The following TSPAN7 variants were observed in gnomAD, a reference collection of about 807,000 sequenced individuals.
The protein encoded by TSPAN7 is tetraspanin 7.
In TSPAN7, 1 loss-of-function variant was observed where a neutral mutation model predicts 17.6. The ratio of observed to expected loss-of-function variants is 0.06; its 90% CI spans 0.02 to 0.27. The LOEUF is 0.27. Among genes scored for constraint, TSPAN7 ranks in the 10% least tolerant of loss-of-function variants. TSPAN7 has a pLI of 1.00. For synonymous variants in TSPAN7, 78 were observed against 79.0 expected (o/e 0.99, Z 0.07); for missense variants, 112 against 201.7 (o/e 0.56, Z 2.69).
intron 1 of TSPAN7, among the ~76,000 whole-genome samples, chrX:38,627,558 C>A (rs1031170827): frequency 9.0e-6 from 1 of 111,661 alleles, no homozygotes; most frequent in African/African-American, 3.3e-5. Context: ...GATAAACTGC[C>A]AGGTAGCTAG....
intron 1 of TSPAN7, among the ~76,000 whole-genome samples, chrX:38,639,085 T>C (rs951361575): frequency 9.0e-6 from 1 of 111,654 alleles, no homozygotes; most frequent in African/African-American, 3.3e-5. Context: ...CAGCCACATC[T>C]AGAAAGTCTC....
intron 1 of TSPAN7, among the ~76,000 whole-genome samples, chrX:38,619,014 C>T (rs778070694): frequency 8.9e-6 from 1 of 111,862 alleles, no homozygotes; most frequent in South Asian, 3.8e-4. Context: ...TTGTCTTTGT[C>T]CTGAGATTAT....
chrX:38,680,437 C>T (rs1436731372), intron 5 of TSPAN7, among the ~76,000 whole-genome samples: 1 of 109,810 alleles, frequency 9.1e-6, no homozygotes, highest in Non-Finnish European at 1.9e-5. Context: ...TAGTTGAAGC[C>T]CTTTTCCAGA....
Position 38,565,635 on chromosome X carries a change from T to C in TSPAN7, c.81+4008T>C, listed in dbSNP as rs151010520. Among the ~76,000 whole-genome samples the C allele has an allele frequency of 2.9e-3, 322 of 112,539 alleles. 2 individuals carry two copies. The highest frequency in any genetic ancestry group is 9.8e-3 in the African/African-American group (303 of 30,948). ...GAATTTTTCCCTTTCATTACCTTAA[T>C]TTAGATTTAGAACTAGAAGGCATTT... On this transcript the variant is annotated intron_variant, in intron 1 of 7. Coordinates refer to ENST00000378482, the MANE Select transcript of TSPAN7 (RefSeq NM_004615.4).
intron 1 of TSPAN7, among the ~76,000 whole-genome samples, chrX:38,565,940 G>A (rs1185554363): frequency 9.0e-6 from 1 of 111,446 alleles, no homozygotes; most frequent in Non-Finnish European, 1.9e-5. Flanking sequence ...GGCCACAGAT[G>A]CTGCTAAACA....
intron 1 of TSPAN7, among the ~76,000 whole-genome samples, chrX:38,615,455 A>G (rs2069450221): frequency 2.7e-5 from 3 of 111,849 alleles, no homozygotes; most frequent in African/African-American, 9.7e-5. Context: ...TTATTTAGAG[A>G]GAACCCTTTT....
chrX:38,594,430 C>T (rs190997258), intron 1 of TSPAN7, among the ~76,000 whole-genome samples: 48 of 111,458 alleles, frequency 4.3e-4, no homozygotes, highest in African/African-American at 1.6e-3. Flanking sequence ...TTAAACATGA[C>T]AATGCTTCTC....
intron 1 of TSPAN7, among the ~76,000 whole-genome samples, chrX:38,638,933 A>T (rs1328773196): frequency 9.0e-6 from 1 of 111,609 alleles, no homozygotes; most frequent in Non-Finnish European, 1.9e-5. Flanking sequence ...CTGGGGAAAG[A>T]CGAAGTGTCT....
intron 1 of TSPAN7, among the ~76,000 whole-genome samples, chrX:38,582,287 G>A (rs1278126520): frequency 8.9e-6 from 1 of 111,933 alleles, no homozygotes; most frequent in South Asian, 3.7e-4. Flanking sequence ...CCAGCTACAC[G>A]CCAACATCAA....
intron 1 of TSPAN7, among the ~76,000 whole-genome samples, chrX:38,615,276 A>G (rs1250209509): frequency 8.9e-6 from 1 of 111,779 alleles, no homozygotes; most frequent in Non-Finnish European, 1.9e-5. Context: ...TCATAACTAT[A>G]GCTAGCCCTT....
intron 1 of TSPAN7, chrX:38,646,271 G>C (rs1044183031): frequency 8.7e-7 from 1 of 1,152,403 alleles, no homozygotes; most frequent in Admixed American, 2.6e-5. Flanking sequence ...GAAAGAAAAG[G>C]CTGCAGGATT....
At chrX:38,685,616 C>T (rs1240443592) in intron 6 of TSPAN7, among the ~76,000 whole-genome samples, 1 of 111,894 alleles carries the variant, frequency 8.9e-6, no homozygotes, top group Non-Finnish European at 1.9e-5. Flanking sequence ...ATAGTCATCA[C>T]TCCGTATCTG....
chrX:38,579,612 C>A (rs184609817), intron 1 of TSPAN7, among the ~76,000 whole-genome samples: 581 of 110,837 alleles, frequency 5.2e-3, no homozygotes, highest in Non-Finnish European at 8.6e-3. Flanking sequence ...AGCAAAAATG[C>A]ATTAACTTGA....
intron 6 of TSPAN7, among the ~76,000 whole-genome samples, chrX:38,684,675 C>T (rs1362442997): frequency 9.0e-6 from 1 of 111,343 alleles, no homozygotes; most frequent in East Asian, 2.8e-4. Context: ...GTATTTAGTA[C>T]TTCTGTGTCT....
chrX:38,562,849 G>C (rs917880684), intron 1 of TSPAN7: 36 of 454,148 alleles, frequency 7.9e-5, no homozygotes, highest in Non-Finnish European at 1.8e-5. Flanking sequence ...TAGCTTCTAC[G>C]GCAGTCATTT....
intron 1 of TSPAN7, among the ~76,000 whole-genome samples, chrX:38,664,677 T>A (rs1343343009): frequency 8.9e-6 from 1 of 112,394 alleles, no homozygotes; most frequent in Non-Finnish European, 1.9e-5. Context: ...CTTTGCCTAA[T>A]AAAACTAGCA....
At chrX:38,667,601 T>A (rs1434496177) in intron 2 of TSPAN7, among the ~76,000 whole-genome samples, 1 of 111,553 alleles carries the variant, frequency 9.0e-6, no homozygotes, top group Non-Finnish European at 1.9e-5. Flanking sequence ...GTCAACCTCA[T>A]AGAAGTGGTG....
chrX:38,584,783 C>T (rs1255030900), intron 1 of TSPAN7, among the ~76,000 whole-genome samples: 1 of 111,705 alleles, frequency 9.0e-6, no homozygotes, highest in Non-Finnish European at 1.9e-5. Flanking sequence ...CTTCAGTTCC[C>T]CTCTCCCTCT....
At chrX:38,652,657 C>T (rs764745016) in intron 1 of TSPAN7, among the ~76,000 whole-genome samples, 1 of 112,338 alleles carries the variant, frequency 8.9e-6, no homozygotes, top group Non-Finnish European at 1.9e-5. Flanking sequence ...CAGAACACAG[C>T]CCAGTTCATA....
Sources: gnomAD v4.1 joint callset for allele counts (sites outside exome capture counted in the v4.1 genomes callset) on GRCh38, gnomAD v4.1.1 for gene constraint, MANE v1.5 for transcripts, NCBI Gene and HGNC (gene_info 2026-07-23, HGNC 2026-07-21) for gene names.